PLXDC2: variants seen among roughly 807,000 people sequenced by gnomAD.
PLXDC2 encodes the protein plexin domain-containing protein 2.
In PLXDC2, 40 loss-of-function variants were observed where a neutral mutation model predicts 68.9. The observed-to-expected ratio is 0.58, with a 90% CI of 0.45 to 0.76. The LOEUF (loss-of-function observed/expected upper bound fraction) is 0.76. PLXDC2 is among the 30% of genes least tolerant of loss of function. The pLI, the probability that PLXDC2 is intolerant of heterozygous loss-of-function variation, is 0.00. For missense variants in PLXDC2, 644 were observed against 661.9 expected, an observed-to-expected ratio of 0.97 and a Z score of 0.30; for synonymous variants, 243 against 234.2, an observed-to-expected ratio of 1.04 and a Z score of -0.34.
At chr10:20,164,375 G>A in intron 6 of PLXDC2, 93 bp from the exon 7 acceptor site, 1 of 1,034,070 alleles carries the variant, frequency 9.7e-7, no homozygotes, top group Admixed American at 2.0e-5. Flanking sequence ...TCCTTCCCAT[G>A]GTTTTGTCCA....
At chr10:20,239,298 C>T (rs1835482624) in intron 12 of PLXDC2, among the ~76,000 whole-genome samples, 1 of 152,158 alleles carries the variant, frequency 6.6e-6, no homozygotes, top group Non-Finnish European at 1.5e-5. Context: ...TAATATTCCC[C>T]TAAAGCCTAC....
At chr10:20,033,162 C>T (rs527779372) in intron 2 of PLXDC2, among the ~76,000 whole-genome samples, 68 of 150,746 alleles carry the variant, frequency 4.5e-4, no homozygotes, top group South Asian at 2.7e-3. Context: ...TGCACATGTA[C>T]CCTAGAACTT....
intron 2 of PLXDC2, among the ~76,000 whole-genome samples, chr10:20,034,230 A>G (rs1025540319): frequency 2.0e-5 from 3 of 152,194 alleles, no homozygotes; most frequent in Non-Finnish European, 4.4e-5. Flanking sequence ...AATTACATAT[A>G]TATGATTTCA....
chr10:20,211,802 T>C, intron 10 of PLXDC2, 73 bp downstream of exon 10: 1 of 1,418,964 alleles, frequency 7.0e-7, no homozygotes, highest in Non-Finnish European at 9.7e-7. Flanking sequence ...GTTAATAATT[T>C]TTATTCAAAA....
chr10:20,233,293 A>T (rs1472848889), intron 12 of PLXDC2, among the ~76,000 whole-genome samples: 1 of 151,800 alleles, frequency 6.6e-6, no homozygotes, highest in Non-Finnish European at 1.5e-5. Context: ...AGTGAAGCTG[A>T]GGCGAGAGGA....
intron 2 of PLXDC2, among the ~76,000 whole-genome samples, chr10:20,009,747 G>A (rs1835079962): frequency 6.7e-6 from 1 of 149,170 alleles, no homozygotes; most frequent in Non-Finnish European, 1.5e-5. Context: ...ACTAGATAGC[G>A]TGTTTTACAC....
chr10:19,824,368 T>C (rs1356589936), intron 1 of PLXDC2, among the ~76,000 whole-genome samples: 1 of 152,200 alleles, frequency 6.6e-6, no homozygotes, highest in Non-Finnish European at 1.5e-5. Flanking sequence ...TTCTACCTTT[T>C]CTCACTTAAA....
intron 5 of PLXDC2, among the ~76,000 whole-genome samples, chr10:20,145,336 G>A (rs1248496451): frequency 6.6e-6 from 1 of 152,060 alleles, no homozygotes; most frequent in African/African-American, 2.4e-5. Flanking sequence ...GACTCTTCAC[G>A]AAGCCCTTTT....
At chr10:19,877,516 A>G (rs1837653941) in intron 1 of PLXDC2, among the ~76,000 whole-genome samples, 1 of 152,216 alleles carries the variant, frequency 6.6e-6, no homozygotes, top group African/African-American at 2.4e-5. Flanking sequence ...ATGAGTAGAA[A>G]TGATGTGTGC....
intron 4 of PLXDC2, among the ~76,000 whole-genome samples, chr10:20,133,867 A>G (rs1833900677): frequency 6.6e-6 from 1 of 152,154 alleles, no homozygotes; most frequent in Non-Finnish European, 1.5e-5. Flanking sequence ...GATGTCTCAT[A>G]ATTCCTGTAG....
intron 1 of PLXDC2, among the ~76,000 whole-genome samples, chr10:19,981,381 A>G (rs1248206161): frequency 1.3e-5 from 2 of 152,226 alleles, no homozygotes; most frequent in Non-Finnish European, 2.9e-5. Flanking sequence ...GGGAAGTGAT[A>G]CTAAAGTCTT....
chr10:20,087,470 G>A (rs932360411), intron 4 of PLXDC2, among the ~76,000 whole-genome samples: 12 of 152,154 alleles, frequency 7.9e-5, no homozygotes, highest in East Asian at 3.9e-4. Flanking sequence ...TGCCTTCCAC[G>A]GAGAGTAACT....
At position 20,277,885 on chromosome 10, in the gene PLXDC2, T is replaced by TC. The variant is rs368631083; in HGVS notation, c.1474-1816dup. The stretch of plus-strand genomic sequence containing the variant: ...CTGGTAACTATCCTTCTACTCTATC[T>TC]CCATGAGTTTAATTGTTTTGATTCT... On this transcript the variant is annotated intron_variant, in intron 13 of 13. Coordinates refer to ENST00000377252, the MANE Select transcript of PLXDC2 (RefSeq NM_032812.9). Among the ~76,000 whole-genome samples, 53 of 152,248 alleles carry TC rather than the reference T, an allele frequency of 3.5e-4. 1 individual carries two copies. Among genetic ancestry groups the TC allele is most frequent in the African/African-American group, 1.2e-3 (50 of 41,548 alleles).
intron 1 of PLXDC2, among the ~76,000 whole-genome samples, chr10:19,899,835 G>A (rs1388767832): frequency 6.6e-6 from 1 of 152,026 alleles, no homozygotes; most frequent in Admixed American, 6.6e-5. Flanking sequence ...GTTAATTTGA[G>A]TATTTTTTAT....
At chr10:19,828,897 C>A (rs1409149596) in intron 1 of PLXDC2, among the ~76,000 whole-genome samples, 2 of 152,104 alleles carry the variant, frequency 1.3e-5, no homozygotes, top group Non-Finnish European at 2.9e-5. Context: ...CACCTTACCT[C>A]CAAAGTTGCC....
intron 1 of PLXDC2, among the ~76,000 whole-genome samples, chr10:19,860,266 C>T (rs1351120535): frequency 1.3e-5 from 2 of 152,104 alleles, no homozygotes; most frequent in African/African-American, 2.4e-5. Context: ...AAAGTAAATC[C>T]AGTGACTTTT....
chr10:20,205,591 T>C (rs1243640054), intron 9 of PLXDC2, among the ~76,000 whole-genome samples: 1 of 152,114 alleles, frequency 6.6e-6, no homozygotes, highest in Non-Finnish European at 1.5e-5. Context: ...TATAATTAAC[T>C]CCTAAACATT....
intron 1 of PLXDC2, among the ~76,000 whole-genome samples, chr10:19,993,707 A>G (rs1382057393): frequency 1.3e-5 from 2 of 152,238 alleles, no homozygotes; most frequent in East Asian, 1.9e-4. Context: ...GGCGTCAGCA[A>G]CAGTACCTGG....
At chr10:19,977,360 T>C (rs1433385171) in intron 1 of PLXDC2, among the ~76,000 whole-genome samples, 1 of 152,194 alleles carries the variant, frequency 6.6e-6, no homozygotes, top group Non-Finnish European at 1.5e-5. Context: ...TTTCACAAGA[T>C]CCCCAGGATA....
Sources: gnomAD v4.1 joint callset for allele counts (sites outside exome capture counted in the v4.1 genomes callset) on GRCh38, gnomAD v4.1.1 for gene constraint, MANE v1.5 for transcripts, NCBI Gene and HGNC (gene_info 2026-07-23, HGNC 2026-07-21) for gene names.